ARHGAP35: variants seen among roughly 807,000 people sequenced by gnomAD.
ARHGAP35 encodes the protein rho GTPase-activating protein 35.
A neutral mutation model predicts 111.1 loss-of-function variants in ARHGAP35; 15 were observed. The observed-to-expected ratio is 0.13, with a 90% CI of 0.09 to 0.21. The LOEUF (loss-of-function observed/expected upper bound fraction) is 0.21, where lower values mean the gene tolerates loss of function less well. ARHGAP35 is among the 10% of genes least tolerant of loss of function. ARHGAP35 has a pLI of 1.00. For missense variants in ARHGAP35, 1,262 were observed against 1,873.0 expected (o/e 0.67, Z 6.02); for synonymous variants, 643 against 710.3 (o/e 0.91, Z 1.51).
intron 1 of ARHGAP35, among the ~76,000 whole-genome samples, chr19:46,867,247 A>C (rs1196476465): frequency 6.6e-6 from 1 of 152,346 alleles, no homozygotes; most frequent in Non-Finnish European, 1.5e-5. Context: ...CCTTTATTGA[A>C]ACGAACATTT....
At chr19:46,895,702 G>C (rs1284272486) in intron 1 of ARHGAP35, among the ~76,000 whole-genome samples, 1 of 152,202 alleles carries the variant, frequency 6.6e-6, no homozygotes, top group Non-Finnish European at 1.5e-5. Flanking sequence ...ATTGAGGAGA[G>C]AGCATATTGA....
chr19:46,871,734 C>T (rs746301274), intron 1 of ARHGAP35, among the ~76,000 whole-genome samples: 16 of 151,750 alleles, frequency 1.1e-4, no homozygotes, highest in Admixed American at 2.0e-4. Flanking sequence ...ATCCCAGCAC[C>T]TGGGGAGGCC....
rs990274630 is a variant in ARHGAP35, at chr19:46,988,150, C to T, written c.3904+84C>T. The T allele has an allele frequency of 3.9e-5, 51 of 1,324,266 alleles. No homozygotes were observed. Among genetic ancestry groups the T allele is most frequent in the Non-Finnish European group, 5.2e-5 (49 of 941,190 alleles). The allele number at this position is 1,324,266 out of a possible 1,614,324, so 82.0% of individuals were successfully genotyped here. On this transcript the variant is annotated intron_variant, in intron 4 of 6. Coordinates refer to ENST00000672722, the MANE Select transcript of ARHGAP35 (RefSeq NM_004491.5). The surrounding 1 kb of genome is among the most constrained non-coding windows in gnomAD (Gnocchi z 5.4). ...CCTCGGTGAACTGTCTGTGGGGCTT[C>T]GGAGCACTCCTGCCAGCACAGACCC...
rs1488398987 is a variant in ARHGAP35, at chr19:46,901,110, G to GC, written c.-188-17377dup. ...TACAGTGCCTGGCACAGTAGTAGGT[G>GC]CTTGCTCAGTAATTTTCATTGAATG... On this transcript the variant is annotated intron_variant, in intron 1 of 6. Coordinates refer to ENST00000672722, the MANE Select transcript of ARHGAP35 (RefSeq NM_004491.5). The surrounding 1 kb of genome is among the most constrained non-coding windows in gnomAD (Gnocchi z 4.5). Among the ~76,000 whole-genome samples the GC allele has an allele frequency of 2.6e-5, 4 of 152,208 alleles. No individual in the cohort carries two copies. The highest frequency in any genetic ancestry group is 9.7e-5 in the African/African-American group (4 of 41,444).
rs756373650 is a variant in ARHGAP35 at position 46,989,645 on chromosome 19, A to G, written c.4006A>G (p.Asn1336Asp). 2.5e-6 allele frequency: 4 copies of G among 1,613,988 alleles called. No individual in the cohort carries two copies. In the Admixed American group the frequency reaches 6.7e-5, roughly 27 times the overall value. Residue 1336 changes from asparagine (N) to aspartate (D), a missense_variant, in exon 5 of 7, where the codon AAC becomes GAC. Transcript: ENST00000672722. This position sits in a 1 kb window ranked among gnomAD's most constrained non-coding sequence, Gnocchi z 5.3. ...SELPDPLVPY[N>D]MQIDLVEAHK... ...ACTGCCTGACCCCCTGGTCCCGTAT[A>G]ACATGCAGATCGACTTGGTGGAAGC...
At chr19:46,951,558 T>C (rs1370916727) in intron 3 of ARHGAP35, among the ~76,000 whole-genome samples, 2 of 152,178 alleles carry the variant, frequency 1.3e-5, no homozygotes, top group Non-Finnish European at 2.9e-5. Context: ...AACTTCTCCA[T>C]TGTTAGTTTC....
intron 3 of ARHGAP35, among the ~76,000 whole-genome samples, chr19:46,978,098 G>T (rs1420960705): frequency 1.3e-5 from 2 of 152,232 alleles, no homozygotes; most frequent in African/African-American, 4.8e-5. Flanking sequence ...TATAAGGGGA[G>T]GGTGGCAGGC....
chr19:46,928,008 A>C (rs1289918264), intron 2 of ARHGAP35, among the ~76,000 whole-genome samples: 4 of 152,190 alleles, frequency 2.6e-5, no homozygotes, highest in Non-Finnish European at 5.9e-5. Flanking sequence ...CCCCCAGAAC[A>C]GCACGGTGCT....
chr19:46,980,042 G>A (rs2056612811), intron 3 of ARHGAP35, among the ~76,000 whole-genome samples: 1 of 152,136 alleles, frequency 6.6e-6, no homozygotes, highest in Admixed American at 6.6e-5. Context: ...ATGGAGAGGA[G>A]GCCGTCGTTC....
In ARHGAP35 at chr19:46,926,545, C is replaced by T. The variant is rs112689776; in HGVS notation, c.3681+4189C>T. ...CCTTTTGGTCATGCTGAAATGGCTG[C>T]GTTTGGTGTGTTTGACTGTGGATTT... On this transcript the variant is annotated intron_variant, in intron 2 of 6. Coordinates refer to ENST00000672722, the MANE Select transcript of ARHGAP35 (RefSeq NM_004491.5). This position sits in a 1 kb window ranked among gnomAD's most constrained non-coding sequence, Gnocchi z 4.1. 7.2e-4 allele frequency among the ~76,000 whole-genome samples: 109 copies of T among 151,908 alleles called. 1 individual carries two copies. Among genetic ancestry groups the T allele is most frequent in the African/African-American group, 2.4e-3 (101 of 41,372 alleles).
At chr19:46,909,968 C>T (rs571286805) in intron 1 of ARHGAP35, among the ~76,000 whole-genome samples, 2 of 151,930 alleles carry the variant, frequency 1.3e-5, no homozygotes, top group Non-Finnish European at 2.9e-5. Flanking sequence ...TTTTAATTTG[C>T]ATTGGACTGA....
chr19:46,930,226 G>GCA (rs2056264843), intron 2 of ARHGAP35, among the ~76,000 whole-genome samples: 2 of 151,830 alleles, frequency 1.3e-5, no homozygotes, highest in Non-Finnish European at 2.9e-5. Flanking sequence ...GGGCGCGGTG[G>GCA]CACACACCTG....
In ARHGAP35 at chr19:46,919,674, C is replaced by T. The variant is rs770872642; in HGVS notation, c.999C>T (p.Ile333=). ...QHIHRLKHEH[I]ERRRKLYLAA... ...TCCACCGCCTCAAGCATGAGCATAT[C>T]GAGCGTAGGAGAAAGCTGTACCTGG... is the stretch of plus-strand genomic sequence containing the variant. The change falls in exon 2 of 7, where the codon ATC becomes ATT. Residue 333 remains isoleucine, a synonymous_variant. Transcript: ENST00000672722. The surrounding 1 kb of genome is among the most constrained non-coding windows in gnomAD (Gnocchi z 6.2). The T allele has an allele frequency of 1.5e-5, 25 of 1,613,830 alleles. No individual in the cohort carries two copies. The highest frequency in any genetic ancestry group is 1.1e-4 in the South Asian group (10 of 91,076).
chr19:46,965,755 G>T lies in ARHGAP35; in HGVS notation c.3827-22234G>T, dbSNP rs112046590. On this transcript the variant is annotated intron_variant, in intron 3 of 6. Transcript: ENST00000672722. ...CTGCCTCAGCCTCCCAAAGTGCTGG[G>T]ATTACAGGCGTGAACTGCTGCACTC... 6.1e-3 allele frequency among the ~76,000 whole-genome samples: 932 copies of T among 152,298 alleles called. 6 individuals carry two copies. The highest frequency in any genetic ancestry group is 0.02 in the South Asian group (98 of 4,826).
At chr19:46,932,314 CAT>C (rs1251024227) in intron 2 of ARHGAP35, among the ~76,000 whole-genome samples, 1 of 152,134 alleles carries the variant, frequency 6.6e-6, no homozygotes, top group African/African-American at 2.4e-5. Context: ...TAGAGGCACA[CAT>C]GTGGAGATTG....
intron 3 of ARHGAP35, among the ~76,000 whole-genome samples, chr19:46,967,767 C>T (rs2056523583): frequency 6.6e-6 from 1 of 152,228 alleles, no homozygotes; most frequent in Non-Finnish European, 1.5e-5. Context: ...AAACTACGCA[C>T]AGTTCCTTAA....
intron 2 of ARHGAP35, among the ~76,000 whole-genome samples, chr19:46,936,837 C>T (rs964023817): frequency 1.3e-5 from 2 of 148,588 alleles, no homozygotes; most frequent in Non-Finnish European, 3.0e-5. Context: ...TTTAATCCTT[C>T]TTGAAATCTT....
intron 1 of ARHGAP35, among the ~76,000 whole-genome samples, chr19:46,910,968 A>G (rs1408819279): frequency 6.6e-6 from 1 of 152,084 alleles, no homozygotes; most frequent in Admixed American, 6.5e-5. Context: ...GGCCTCCCAA[A>G]CTGCTGGGAT....
intron 3 of ARHGAP35, among the ~76,000 whole-genome samples, chr19:46,939,500 C>T (rs1258045450): frequency 1.3e-5 from 2 of 151,998 alleles, no homozygotes; most frequent in Admixed American, 1.3e-4. Context: ...ACCTCTGCCT[C>T]CTGGGTTCAA....
Sources: gnomAD v4.1 joint callset for allele counts (sites outside exome capture counted in the v4.1 genomes callset) on GRCh38, gnomAD v4.1.1 for gene constraint, Gnocchi (gnomAD v3.1) non-coding constraint, MANE v1.5 for transcripts, NCBI Gene and HGNC (gene_info 2026-07-23, HGNC 2026-07-21) for gene names.